The following BTRC variants were observed in gnomAD, a reference collection of about 807,000 sequenced individuals.
BTRC encodes beta-transducin repeat containing E3 ubiquitin protein ligase, also known as F-box/WD repeat-containing protein 1A.
A neutral mutation model predicts 85.5 loss-of-function variants in BTRC; 42 were observed. The ratio of observed to expected loss-of-function variants is 0.49; its 90% CI spans 0.38 to 0.64. BTRC has a LOEUF of 0.64. Ranked by LOEUF, BTRC falls within the 30% of genes least tolerant of loss-of-function variation. The pLI is 0.00. For synonymous variants in BTRC, 255 were observed against 263.3 expected (o/e 0.97, Z 0.30); for missense variants, 594 against 743.5 (o/e 0.80, Z 2.34).
chr10:101,526,183 G>A lies in BTRC; in HGVS notation c.727G>A (p.Ala243Thr), dbSNP rs2062188542. 1 of 1,614,060 alleles carries A rather than the reference G, an allele frequency of 6.2e-7. No homozygotes were observed. Among genetic ancestry groups the A allele is most frequent in the East Asian group, 2.2e-5 (1 of 44,884 alleles). The stretch of plus-strand genomic sequence containing the variant: ...GACAGATTCTCTGTGGAGAGGCCTG[G>A]CAGAACGAAGAGGATGGTGAGCCTT... ...VRTDSLWRGLAERRGWGQYLF... is the reference protein window; with the variant it reads ...VRTDSLWRGLTERRGWGQYLF... The change falls in exon 6 of 15, where the codon GCA (alanine) becomes ACA (threonine). Residue 243 changes from alanine (A) to threonine (T), a missense_variant. Physicochemically the swap from Ala to Thr is moderately conservative, Grantham distance 58. Around this residue, in one of 4 missense-constraint regions of BTRC, gnomAD observed 373 missense variants for 503.6 expected, o/e 0.74. Coordinates refer to ENST00000370187, the MANE Select transcript of BTRC (RefSeq NM_033637.4).
intron 4 of BTRC, among the ~76,000 whole-genome samples, chr10:101,487,710 C>T (rs892095889): frequency 2.0e-5 from 3 of 152,112 alleles, no homozygotes; most frequent in Non-Finnish European, 2.9e-5. Context: ...AGCAGGGATC[C>T]TACCCAGTCG....
intron 1 of BTRC, among the ~76,000 whole-genome samples, chr10:101,378,583 G>C (rs2133954836): frequency 6.7e-6 from 1 of 148,164 alleles, no homozygotes; most frequent in African/African-American, 2.5e-5. Flanking sequence ...GGAGTGCAGT[G>C]GCGCGATCTT....
At chr10:101,447,742 A>G (rs1323064578) in intron 2 of BTRC, among the ~76,000 whole-genome samples, 2 of 152,178 alleles carry the variant, frequency 1.3e-5, no homozygotes, top group African/African-American at 4.8e-5. Flanking sequence ...ATGATAGCTA[A>G]TAACAGATTT....
intron 1 of BTRC, among the ~76,000 whole-genome samples, chr10:101,384,042 A>G (rs919104352): frequency 6.6e-6 from 1 of 152,156 alleles, no homozygotes; most frequent in African/African-American, 2.4e-5. Flanking sequence ...ACATATTTGT[A>G]GCATTTATAT....
At chr10:101,371,147 C>T (rs1409176401) in intron 1 of BTRC, among the ~76,000 whole-genome samples, 2 of 151,580 alleles carry the variant, frequency 1.3e-5, no homozygotes, top group African/African-American at 4.8e-5. Flanking sequence ...TTATCCCAGC[C>T]ACTGGCAACC....
chr10:101,399,812 C>T (rs7905291), intron 1 of BTRC, among the ~76,000 whole-genome samples: 50,155 of 151,946 alleles, frequency 0.33, 10,887 homozygotes, highest in East Asian at 0.67. Context: ...ATTGGAAGAT[C>T]AGGTACTTTA....
intron 4 of BTRC, among the ~76,000 whole-genome samples, chr10:101,482,317 G>A (rs760331123): frequency 2.1e-4 from 32 of 151,762 alleles, no homozygotes; most frequent in Non-Finnish European, 7.4e-5. Flanking sequence ...CACTGTGCCT[G>A]GCCAAGTTTT....
At chr10:101,437,071 C>G (rs1007929566) in intron 2 of BTRC, among the ~76,000 whole-genome samples, 2 of 152,160 alleles carry the variant, frequency 1.3e-5, no homozygotes, top group Non-Finnish European at 2.9e-5. Context: ...CTGATACCCT[C>G]TCTATTGTAT....
At chr10:101,429,429 ATTTT>A (rs1401917987) in intron 1 of BTRC, among the ~76,000 whole-genome samples, 1 of 151,378 alleles carries the variant, frequency 6.6e-6, no homozygotes, top group Non-Finnish European at 1.5e-5. Context: ...ATTCTTAGGT[ATTTT>A]TGTTTGTTTG....
At chr10:101,449,073 A>G (rs994123683) in intron 2 of BTRC, among the ~76,000 whole-genome samples, 1 of 152,058 alleles carries the variant, frequency 6.6e-6, no homozygotes, top group Non-Finnish European at 1.5e-5. Flanking sequence ...TATTAGAGAC[A>G]TACACCTAAA....
At chr10:101,492,298 A>C (rs1204844683) in intron 4 of BTRC, among the ~76,000 whole-genome samples, 2 of 152,150 alleles carry the variant, frequency 1.3e-5, no homozygotes, top group Non-Finnish European at 2.9e-5. Flanking sequence ...ATAGAGAGAA[A>C]ACCATGTTTA....
intron 2 of BTRC, among the ~76,000 whole-genome samples, chr10:101,452,488 A>C (rs1444662182): frequency 6.6e-6 from 1 of 152,254 alleles, no homozygotes; most frequent in Non-Finnish European, 1.5e-5. Flanking sequence ...CATAAAAAAT[A>C]GTTGTTCTTT....
chr10:101,414,361 T>A (rs1943867224), intron 1 of BTRC, among the ~76,000 whole-genome samples: 1 of 152,180 alleles, frequency 6.6e-6, no homozygotes, highest in African/African-American at 2.4e-5. Context: ...CAAGGCATTA[T>A]TCAGGTGTTT....
chr10:101,531,976 G>A (rs2062289725), intron 7 of BTRC, among the ~76,000 whole-genome samples: 2 of 152,186 alleles, frequency 1.3e-5, no homozygotes, highest in African/African-American at 2.4e-5. Context: ...CATCACATAT[G>A]TAAGAGCACT....
chr10:101,508,863 A>G (rs934875149), intron 4 of BTRC, among the ~76,000 whole-genome samples: 2 of 145,496 alleles, frequency 1.4e-5, no homozygotes, highest in Non-Finnish European at 3.0e-5. Flanking sequence ...GCAGTGAGCC[A>G]AGATTGTGCC....
chr10:101,372,716 T>G (rs1188336167), intron 1 of BTRC, among the ~76,000 whole-genome samples: 6 of 151,448 alleles, frequency 4.0e-5, no homozygotes, highest in Non-Finnish European at 4.4e-5. Flanking sequence ...AATACAAAAA[T>G]TAGCCGGGCA....
intron 3 of BTRC, among the ~76,000 whole-genome samples, chr10:101,470,210 C>G (rs1945483368): frequency 6.6e-6 from 1 of 151,744 alleles, no homozygotes; most frequent in African/African-American, 2.4e-5. Flanking sequence ...GGATACCATT[C>G]ATTTGTCAGA....
At chr10:101,448,108 G>A (rs1040504190) in intron 2 of BTRC, among the ~76,000 whole-genome samples, 3 of 152,098 alleles carry the variant, frequency 2.0e-5, no homozygotes, top group Non-Finnish European at 2.9e-5. Flanking sequence ...ACAAAATTCT[G>A]CATAGTTAGC....
chr10:101,395,843 G>A (rs1468163358), intron 1 of BTRC, among the ~76,000 whole-genome samples: 14 of 151,806 alleles, frequency 9.2e-5, no homozygotes, highest in Admixed American at 9.2e-4. Context: ...TGCCTGTAGG[G>A]GACTAATGGG....
Sources: gnomAD v4.1 joint callset for allele counts (sites outside exome capture counted in the v4.1 genomes callset) on GRCh38, gnomAD v4.1.1 for gene constraint, gnomAD v4.1.1 regional missense constraint, MANE v1.5 for transcripts, NCBI Gene and HGNC (gene_info 2026-07-23, HGNC 2026-07-21) for gene names.